Variants in CERS5 observed in about 807,000 individuals in gnomAD.
CERS5 encodes the protein LAG1 homolog, ceramide synthase 5.
CERS5 carries 37 observed loss-of-function variants against 58.9 expected under a neutral mutation model. The observed-to-expected ratio is 0.63, with a 90% CI of 0.48 to 0.83. CERS5 has a LOEUF of 0.83. Ranked by LOEUF, CERS5 falls within the 40% of genes least tolerant of loss-of-function variation. The pLI is 0.00. For missense variants in CERS5, 398 were observed against 489.3 expected, an observed-to-expected ratio of 0.81 and a Z score of 1.76; for synonymous variants, 147 against 177.8, an observed-to-expected ratio of 0.83 and a Z score of 1.38.
At chr12:50,157,367 G>T (rs1281409652) in intron 1 of CERS5, among the ~76,000 whole-genome samples, 6 of 150,614 alleles carry the variant, frequency 4.0e-5, no homozygotes, top group Non-Finnish European at 5.9e-5. Flanking sequence ...TCTTAGGAAG[G>T]AAAATTAGAA....
At chr12:50,134,329 A>G (rs1951507316) in intron 9 of CERS5, 1 of 1,253,592 alleles carries the variant, frequency 8.0e-7, no homozygotes, top group Admixed American at 2.6e-5. Flanking sequence ...AGCTATGATC[A>G]TGCCACTGAA....
At chr12:50,167,044 A>G in intron 1 of CERS5, 57 bp downstream of exon 1, 3 of 1,351,008 alleles carry the variant, frequency 2.2e-6, no homozygotes, top group Non-Finnish European at 3.0e-6. Flanking sequence ...CCCTTCCCAC[A>G]GCGGGGCGCC....
intron 9 of CERS5, chr12:50,133,135 A>G: frequency 7.9e-7 from 1 of 1,258,636 alleles, no homozygotes; most frequent in Non-Finnish European, 1.0e-6. Context: ...AGGCACACTG[A>G]GCAAGTTCTG....
chr12:50,142,723 A>G (rs1277930833), intron 3 of CERS5, among the ~76,000 whole-genome samples: 1 of 152,186 alleles, frequency 6.6e-6, no homozygotes, highest in Non-Finnish European at 1.5e-5. Context: ...CAGAAAAGGA[A>G]TGCTTCCTAA....
intron 1 of CERS5, among the ~76,000 whole-genome samples, chr12:50,151,735 C>T (rs1937982345): frequency 6.6e-6 from 1 of 152,220 alleles, no homozygotes; most frequent in South Asian, 2.1e-4. Context: ...TCACTGCAAC[C>T]TCCACCTCCC....
chr12:50,157,732 T>C (rs1938810861), intron 1 of CERS5, among the ~76,000 whole-genome samples: 1 of 151,628 alleles, frequency 6.6e-6, no homozygotes, highest in African/African-American at 2.4e-5. Flanking sequence ...AAAAAAGAGA[T>C]CAAACCTGAA....
At chr12:50,150,043 C>T (rs1318123066) in intron 1 of CERS5, among the ~76,000 whole-genome samples, 1 of 152,132 alleles carries the variant, frequency 6.6e-6, no homozygotes, top group African/African-American at 2.4e-5. Flanking sequence ...TACTCAGCCA[C>T]AAATGTTATT....
At chr12:50,130,765 G>T in intron 9 of CERS5, 71 bp from the exon 10 acceptor site, 1 of 1,416,502 alleles carries the variant, frequency 7.1e-7, no homozygotes, top group Non-Finnish European at 9.6e-7. Flanking sequence ...AGAGACCCAG[G>T]TGTGGGCACT....
chr12:50,131,537 C>CGACA (rs1411220770), intron 9 of CERS5, among the ~76,000 whole-genome samples: 1 of 122,868 alleles, frequency 8.1e-6, no homozygotes, highest in Non-Finnish European at 1.6e-5. Flanking sequence ...CCAGCGTGGG[C>CGACA]GACAGAGTGA....
intron 1 of CERS5, among the ~76,000 whole-genome samples, chr12:50,164,511 A>T (rs1442693479): frequency 6.6e-6 from 1 of 152,170 alleles, no homozygotes; most frequent in African/African-American, 2.4e-5. Flanking sequence ...GTCAGCAGTG[A>T]ATTATATTAC....
chr12:50,135,880 TC>T (rs1951667833), intron 7 of CERS5, 42 bp from the exon 8 acceptor site: 1 of 1,596,944 alleles, frequency 6.3e-7, no homozygotes, highest in Non-Finnish European at 8.5e-7. Flanking sequence ...AGAAAGTCAT[TC>T]CTCACATAGG....
chr12:50,163,999 G>T, intron 1 of CERS5, among the ~76,000 whole-genome samples: 1 of 141,674 alleles, frequency 7.1e-6, no homozygotes. Context: ...TTCCTCTGCA[G>T]CCCAGGCTGG....
At chr12:50,136,161 T>C in intron 6 of CERS5, 92 bp from the exon 7 acceptor site, 2 of 1,163,024 alleles carry the variant, frequency 1.7e-6, no homozygotes, top group South Asian at 2.3e-5. Context: ...CTAAGAATCT[T>C]ACCCCACCCC....
At position 50,144,224 on chromosome 12, in the gene CERS5, T is replaced by C. The variant is rs1295448386; in HGVS notation, c.198-167A>G. The C allele has an allele frequency of 9.3e-6, 5 of 539,340 alleles. No individual in the cohort carries two copies. In the East Asian group the frequency reaches 1.5e-4, roughly 17 times the overall value. The allele number at this position is 539,340 out of a possible 1,614,324, so 33.4% of individuals were successfully genotyped here. On this transcript the variant is annotated intron_variant, in intron 1 of 9. Coordinates refer to ENST00000317551, the MANE Select transcript of CERS5 (RefSeq NM_147190.5). ...TTACCATATCCATCACTTTCAACAT[T>C]TATCACTTCTTTAGGGTGACAATGT...
chr12:50,153,269 ATT>A (rs202197775), intron 1 of CERS5, among the ~76,000 whole-genome samples: 9 of 93,436 alleles, frequency 9.6e-5, no homozygotes, highest in Non-Finnish European at 1.9e-4. Flanking sequence ...AACTAATATG[ATT>A]TTTTTTTTTT....
chr12:50,159,462 T>C (rs994600887), intron 1 of CERS5, among the ~76,000 whole-genome samples: 2 of 152,244 alleles, frequency 1.3e-5, no homozygotes, highest in Non-Finnish European at 2.9e-5. Context: ...CTTTGCATCA[T>C]CTTTTGATCC....
chr12:50,147,429 AG>A (rs1952352718), intron 1 of CERS5: 1 of 142,546 alleles, frequency 7.0e-6, no homozygotes, highest in South Asian at 2.3e-4. Flanking sequence ...AAAAAAAAAT[AG>A]GTACCTAGGG....
At chr12:50,156,014 T>C (rs1328899442) in intron 1 of CERS5, among the ~76,000 whole-genome samples, 1 of 141,414 alleles carries the variant, frequency 7.1e-6, no homozygotes, top group Non-Finnish European at 1.5e-5. Context: ...GCAGGAGAAC[T>C]GCTTAAACCT....
chr12:50,163,738 C>T (rs972983163), intron 1 of CERS5, among the ~76,000 whole-genome samples: 5 of 151,980 alleles, frequency 3.3e-5, no homozygotes, highest in South Asian at 2.1e-4. Context: ...CTCAACCTCC[C>T]GGGTTCAAGC....
Sources: gnomAD v4.1 joint callset for allele counts (sites outside exome capture counted in the v4.1 genomes callset) on GRCh38, gnomAD v4.1.1 for gene constraint, MANE v1.5 for transcripts, NCBI Gene and HGNC (gene_info 2026-07-23, HGNC 2026-07-21) for gene names.